Variants in SNAPC3 observed in about 807,000 individuals in gnomAD.
SNAPC3 encodes the protein small nuclear RNA activating complex polypeptide 3.
SNAPC3 carries 56 observed loss-of-function variants against 47.7 expected under a neutral mutation model. The ratio of observed to expected loss-of-function variants is 1.18; its 90% confidence interval spans 0.95 to 1.47. The LOEUF (loss-of-function observed/expected upper bound fraction) is 1.47. Among genes scored for constraint, SNAPC3 ranks in the 40% most tolerant of loss-of-function variants. The probability of loss-of-function intolerance (pLI) is 0.00; values close to 1 mark genes in which losing one functional copy is unlikely to be tolerated. For missense variants in SNAPC3, 665 were observed against 511.3 expected, an observed-to-expected ratio of 1.30 and a Z score of -2.90; for synonymous variants, 235 against 189.9, an observed-to-expected ratio of 1.24 and a Z score of -1.95.
At chr9:15,442,376 G>C (rs2033518686) in intron 3 of SNAPC3, among the ~76,000 whole-genome samples, 2 of 150,692 alleles carry the variant, frequency 1.3e-5, no homozygotes, top group Admixed American at 6.6e-5. Context: ...CTCCCAGACA[G>C]GGCAGCTGCT....
chr9:15,446,585 A>G (rs2033948507), intron 4 of SNAPC3, among the ~76,000 whole-genome samples: 1 of 152,096 alleles, frequency 6.6e-6, no homozygotes, highest in Non-Finnish European at 1.5e-5. Flanking sequence ...GGAGATTTTT[A>G]TTACATTTCC....
chr9:15,440,564 T>G (rs1190744981), intron 3 of SNAPC3, among the ~76,000 whole-genome samples: 6 of 152,180 alleles, frequency 3.9e-5, no homozygotes, highest in African/African-American at 1.4e-4. Context: ...AGTGGTGGGT[T>G]CCCATAGTCT....
rs191180324 is a variant in SNAPC3, at chr9:15,439,366, C to T, written c.478-5236C>T. 1.2e-4 allele frequency among the ~76,000 whole-genome samples: 18 copies of T among 152,082 alleles called. No individual in the cohort carries two copies. The South Asian group carries it at 2.5e-3, about 21-fold the overall frequency. On this transcript the variant is annotated intron_variant, in intron 3 of 8. Coordinates refer to ENST00000380821, the MANE Select transcript of SNAPC3 (RefSeq NM_001039697.2). ...GGCATCTTTTGCCAATATATAATAT[C>T]CTTCTTTGTCTATTGAAACCTTAAA...
Position 15,459,703 on chromosome 9 carries a change from T to G in SNAPC3, c.1089-16T>G. ...ATTTGATTGTAATGATGTACTTCTT[T>G]TTTTAAAAACTACAGATGGGTGACG... On this transcript the variant is annotated splice_polypyrimidine_tract_variant and intron_variant, in intron 8 of 8. Transcript: ENST00000380821. 1.2e-6 allele frequency: 2 copies of G among 1,609,368 alleles called. No homozygotes were observed. Among genetic ancestry groups the G allele is most frequent in the Non-Finnish European group, 1.7e-6 (2 of 1,177,476 alleles).
chr9:15,447,115 C>T lies in SNAPC3; in HGVS notation c.603C>T (p.Tyr201=), dbSNP rs370827107. The change falls in exon 5 of 9, where the codon TAC becomes TAT. Residue 201 remains tyrosine (Y), a synonymous_variant. Coordinates refer to ENST00000380821, the MANE Select transcript of SNAPC3 (RefSeq NM_001039697.2). ...IFHKHKEHKP[Y]QTMLVLGSQK... The stretch of plus-strand genomic sequence containing the variant: ...TTTAGCACAAAGAACACAAACCATA[C>T]CAAACAATGCTGGTGTTGGGCAGTC... 1.2e-6 allele frequency: 2 copies of T among 1,613,874 alleles called. No individual in the cohort carries two copies. Among genetic ancestry groups the T allele is most frequent in the Non-Finnish European group, 1.7e-6 (2 of 1,179,932 alleles).
intron 7 of SNAPC3, among the ~76,000 whole-genome samples, chr9:15,455,009 T>C (rs2131952964): frequency 6.6e-6 from 1 of 152,218 alleles, no homozygotes; most frequent in East Asian, 1.9e-4. Context: ...CAAAACAAAA[T>C]GTCGTCCAAC....
chr9:15,457,684 CT>C (rs2034898111), intron 7 of SNAPC3, among the ~76,000 whole-genome samples: 1 of 152,138 alleles, frequency 6.6e-6, no homozygotes, highest in Admixed American at 6.5e-5. Context: ...TAATAACTCC[CT>C]CTTAAGGGGG....
chr9:15,451,571 G>A (rs1587368350), intron 6 of SNAPC3, among the ~76,000 whole-genome samples, 169 bp downstream of exon 6: 1 of 152,124 alleles, frequency 6.6e-6, no homozygotes, highest in African/African-American at 2.4e-5. Flanking sequence ...AGACACAGTA[G>A]TCCCAGCCAC....
intron 7 of SNAPC3, among the ~76,000 whole-genome samples, chr9:15,455,819 C>G (rs1840600140): frequency 6.6e-6 from 1 of 152,188 alleles, no homozygotes; most frequent in Non-Finnish European, 1.5e-5. Context: ...ATGCCTTAGC[C>G]TCCCAAGTAG....
chr9:15,432,730 A>G (rs1411061492), intron 2 of SNAPC3, among the ~76,000 whole-genome samples: 1 of 152,226 alleles, frequency 6.6e-6, no homozygotes, highest in Non-Finnish European at 1.5e-5. Context: ...TCCTCAAAAT[A>G]TAATTCCAAT....
downstream of SNAPC3, chr9:15,462,131 T>G (rs1028243519): frequency 6.6e-6 from 1 of 152,258 alleles, no homozygotes; most frequent in East Asian, 1.9e-4. Context: ...AAGTTAATTA[T>G]TGTCATAATG....
At chr9:15,456,088 G>A (rs1482405155) in intron 7 of SNAPC3, among the ~76,000 whole-genome samples, 1 of 152,118 alleles carries the variant, frequency 6.6e-6, no homozygotes, top group Non-Finnish European at 1.5e-5. Flanking sequence ...TGGTCAGGCT[G>A]GTCTCGAACT....
At chr9:15,423,795 G>T (rs2030935932) in intron 1 of SNAPC3, 114 bp from the exon 2 acceptor site, 2 of 536,202 alleles carry the variant, frequency 3.7e-6, no homozygotes, top group East Asian at 3.4e-5. Flanking sequence ...TGAGCCGCCT[G>T]CTGGATTTTA....
At chr9:15,428,162 T>A (rs1224426967) in intron 2 of SNAPC3, among the ~76,000 whole-genome samples, 1 of 149,268 alleles carries the variant, frequency 6.7e-6, no homozygotes, top group Non-Finnish European at 1.5e-5. Context: ...ATATCTGAAG[T>A]TGGCTAGAAT....
At chr9:15,455,825 A>G (rs1297865681) in intron 7 of SNAPC3, among the ~76,000 whole-genome samples, 1 of 152,000 alleles carries the variant, frequency 6.6e-6, no homozygotes, top group East Asian at 1.9e-4. Context: ...TAGCCTCCCA[A>G]GTAGCTGGGA....
At chr9:15,444,550 A>G in intron 3 of SNAPC3, 52 bp from the exon 4 acceptor site, 3 of 1,175,554 alleles carry the variant, frequency 2.6e-6, no homozygotes, top group South Asian at 2.5e-5. Context: ...ACCACACTGC[A>G]TCTTATCTGA....
At chr9:15,466,570 C>T (rs2035640895), downstream of SNAPC3, among the ~76,000 whole-genome samples, 1 of 152,190 alleles carries the variant, frequency 6.6e-6, no homozygotes, top group Admixed American at 6.5e-5. Context: ...GGCAAAGTCA[C>T]TGTCAATAAA....
intron 2 of SNAPC3, among the ~76,000 whole-genome samples, chr9:15,430,468 C>CA (rs751665273): frequency 6.6e-6 from 1 of 151,302 alleles, no homozygotes; most frequent in South Asian, 2.1e-4. Flanking sequence ...GCTCAGAAAA[C>CA]AAAAAAAGAA....
chr9:15,454,816 C>G (rs1399147257), intron 7 of SNAPC3, among the ~76,000 whole-genome samples: 2 of 152,180 alleles, frequency 1.3e-5, no homozygotes, highest in African/African-American at 4.8e-5. Flanking sequence ...CACCTGTAGT[C>G]CTAGCTACTC....
Sources: gnomAD v4.1 joint callset for allele counts (sites outside exome capture counted in the v4.1 genomes callset) on GRCh38, gnomAD v4.1.1 for gene constraint, MANE v1.5 for transcripts, NCBI Gene and HGNC (gene_info 2026-07-23, HGNC 2026-07-21) for gene names.